The following HSPG2 variants were observed in gnomAD, a reference collection of about 807,000 sequenced individuals.
HSPG2 encodes the protein heparan sulfate proteoglycan 2.
A neutral mutation model predicts 526.6 loss-of-function variants in HSPG2; 278 were observed. The ratio of observed to expected loss-of-function variants is 0.53; its 90% CI spans 0.48 to 0.58. HSPG2 has a LOEUF of 0.58. HSPG2 is among the 20% of genes least tolerant of loss of function. The pLI is 0.00. For synonymous variants in HSPG2, 2,465 were observed against 2,555.4 expected (o/e 0.96, Z 1.07); for missense variants, 5,354 against 6,099.5 (o/e 0.88, Z 4.07).
chr1:21,854,871 C>T lies in HSPG2; in HGVS notation c.6110G>A (p.Arg2037Gln), dbSNP rs760003870. The T allele has an allele frequency of 3.9e-5, 63 of 1,614,086 alleles. No homozygotes were observed. Among genetic ancestry groups the T allele is most frequent in the Admixed American group, 6.7e-5 (4 of 59,998 alleles). The change falls in exon 48 of 97, where the codon CGG (arginine) becomes CAG (glutamine). Residue 2037 changes from arginine (R) to glutamine (Q), a missense_variant. By Grantham distance (43) the Arg-to-Gln change is conservative. Coordinates refer to ENST00000374695, the MANE Select transcript of HSPG2 (RefSeq NM_005529.7). ...ATSPAGTAQA[R>Q]IQVVVLSASD... ...ACCTGAAAGGACAACCACTTGGATCCGGGCCTGGGCAGTGCCTGCAGGGCT... is the reference window on the plus strand; with the variant it reads ...ACCTGAAAGGACAACCACTTGGATCTGGGCCTGGGCAGTGCCTGCAGGGCT...
rs1162835998 is a variant in HSPG2, at chr1:21,864,069, AC to A, written c.4740+30del. On this transcript the variant is annotated intron_variant, in intron 37 of 96. Transcript: ENST00000374695. The surrounding 1 kb of genome is among the most constrained non-coding windows in gnomAD (Gnocchi z 4.8). ...CCCCCACCCAGGCCCAGCTGAGCTG[AC>A]CCCCTGTCCTGGCCTCGCTTGCAGC... The A allele has an allele frequency of 6.6e-7, 1 of 1,506,348 alleles. No homozygotes were observed. Among genetic ancestry groups the A allele is most frequent in the Admixed American group, 2.0e-5 (1 of 50,918 alleles). 93.3% of individuals were successfully genotyped at this position (1,506,348 alleles called of 1,614,324 possible).
intron 91 of HSPG2, among the ~76,000 whole-genome samples, chr1:21,825,500 T>A (rs1572133095): frequency 6.6e-6 from 1 of 152,100 alleles, no homozygotes. Flanking sequence ...CTTGGGCGAG[T>A]GACTGGCCCA....
In HSPG2 at chr1:21,852,847, G is replaced by A. The variant is rs2152721348; in HGVS notation, c.6592-15C>T. The A allele has an allele frequency of 4.3e-6, 7 of 1,611,716 alleles. No individual in the cohort carries two copies. Among genetic ancestry groups the A allele is most frequent in the Non-Finnish European group, 5.9e-6 (7 of 1,179,568 alleles). ...GAGCCGTGGGTCTGTGTGCAAATGGGGTGGGTTGGGAGGGGGCTGGAACAG... is the reference window on the plus strand; with the variant it reads ...GAGCCGTGGGTCTGTGTGCAAATGGAGTGGGTTGGGAGGGGGCTGGAACAG... On this transcript the variant is annotated splice_polypyrimidine_tract_variant and intron_variant, in intron 51 of 96. Transcript: ENST00000374695.
chr1:21,854,546 A>G, intron 49 of HSPG2, 65 bp downstream of exon 49: 1 of 1,506,928 alleles, frequency 6.6e-7, no homozygotes, highest in African/African-American at 1.4e-5. Flanking sequence ...CCCAGCGTAC[A>G]GGCCCCGCCT....
At position 21,859,617 on chromosome 1, in the gene HSPG2, A is replaced by G. The variant is rs1639634148; in HGVS notation, c.5242T>C (p.Cys1748Arg). 3 of 1,609,096 alleles carry G rather than the reference A, an allele frequency of 1.9e-6. No individual in the cohort carries two copies. The highest frequency in any genetic ancestry group is 2.5e-6 in the Non-Finnish European group (3 of 1,178,030). The change falls in exon 42 of 97, where the codon TGC (cysteine) becomes CGC (arginine). Residue 1748 changes from cysteine to arginine, a missense_variant. Physicochemically the swap from Cys to Arg is radical, Grantham distance 180. Transcript: ENST00000374695. The surrounding 1 kb of genome is among the most constrained non-coding windows in gnomAD (Gnocchi z 5.3). The part of the protein sequence containing the change: ...PSDAGVYICT[C>R]RNLHQSNTSR... The stretch of plus-strand genomic sequence containing the variant: ...GTATTGGATTGGTGGAGATTACGGC[A>G]GGTGCAAATGTAGACCCCAGCATCC...
At chr1:21,874,280 A>G in intron 28 of HSPG2, 126 bp downstream of exon 28, 1 of 1,289,792 alleles carries the variant, frequency 7.8e-7, no homozygotes, top group Non-Finnish European at 1.1e-6. Flanking sequence ...ACACCAAGTG[A>G]CACTGAGCAG....
chr1:21,903,985 A>G (rs1256954102), intron 1 of HSPG2, among the ~76,000 whole-genome samples: 2 of 152,186 alleles, frequency 1.3e-5, no homozygotes, highest in Non-Finnish European at 2.9e-5. Flanking sequence ...AAAAAAGTAG[A>G]ATCGATCAGA....
rs768860953 is a variant in HSPG2 at position 21,824,806 on chromosome 1, T to C, written c.12590-27A>G. 12 of 1,592,116 alleles carry C rather than the reference T, an allele frequency of 7.5e-6. No homozygotes were observed. Among genetic ancestry groups the C allele is most frequent in the Non-Finnish European group, 1.0e-5 (12 of 1,165,664 alleles). ...TGTGGGAGAGAGGAGGGTGGTGCCA[T>C]ACCTGCTGCATCAGGCATCAAAATC... On this transcript the variant is annotated intron_variant, in intron 91 of 96. Transcript: ENST00000374695. This position sits in a 1 kb window ranked among gnomAD's most constrained non-coding sequence, Gnocchi z 5.9.
intron 80 of HSPG2, chr1:21,832,951 A>G: frequency 1.8e-6 from 1 of 554,552 alleles, no homozygotes; most frequent in Non-Finnish European, 3.2e-6. Flanking sequence ...GGAAAGGGTG[A>G]GATGGAGGCA....
Position 21,831,118 on chromosome 1 carries a change from C to T in HSPG2, c.11563-28G>A, listed in dbSNP as rs374610968. ...GCAAAGCAGCCCCCAGAAGTAAGGC[C>T]GAGAACATTCAGTACCCCCCATAAT... On this transcript the variant is annotated intron_variant, in intron 84 of 96. Transcript: ENST00000374695. 2.2e-5 allele frequency: 36 copies of T among 1,608,288 alleles called. No homozygotes were observed. In the African/African-American group the frequency reaches 3.3e-4, roughly 15 times the overall value.
chr1:21,831,132 AC>A (rs923040913), intron 84 of HSPG2, 42 bp from the exon 85 acceptor site: 5 of 1,604,072 alleles, frequency 3.1e-6, no homozygotes, highest in South Asian at 2.2e-5. Context: ...AACATTCAGT[AC>A]CCCCCATAAT....
chr1:21,847,743 G>A lies in HSPG2; in HGVS notation c.7971C>T (p.Pro2657=), dbSNP rs752038256. 4 of 1,612,794 alleles carry A rather than the reference G, an allele frequency of 2.5e-6. No individual in the cohort carries two copies. Among genetic ancestry groups the A allele is most frequent in the Non-Finnish European group, 1.7e-6 (2 of 1,179,630 alleles). ...GCTTGTACCATGTGATGATAGCCTGGGGCTGCCTGGCGACCACGCAGTTCA... is the reference window on the plus strand; with the variant it reads ...GCTTGTACCATGTGATGATAGCCTGAGGCTGCCTGGCGACCACGCAGTTCA... ...LDLNCVVARQ[P]QAIITWYKRG... Residue 2657 remains proline, a synonymous_variant, in exon 61 of 97, where the codon CCC becomes CCT. Coordinates refer to ENST00000374695, the MANE Select transcript of HSPG2 (RefSeq NM_005529.7). The surrounding 1 kb of genome is among the most constrained non-coding windows in gnomAD (Gnocchi z 4.1).
intron 21 of HSPG2, among the ~76,000 whole-genome samples, chr1:21,877,816 G>T (rs1484895155): frequency 6.6e-6 from 1 of 152,120 alleles, no homozygotes; most frequent in East Asian, 1.9e-4. Context: ...CATTCCTAAC[G>T]CAAGTGACCT....
chr1:21,863,060 C>CAAAAACAAAAAAAAAA (rs1423127350), intron 37 of HSPG2, among the ~76,000 whole-genome samples: 20 of 31,232 alleles, frequency 6.4e-4, no homozygotes, highest in African/African-American at 1.8e-3. Flanking sequence ...GACTCCATCT[C>CAAAAACAAAAAAAAAA]AAAAAAAAAA....
chr1:21,846,071 T>TC, intron 64 of HSPG2, 37 bp downstream of exon 64: 1 of 1,609,526 alleles, frequency 6.2e-7, no homozygotes, highest in Non-Finnish European at 8.5e-7. Flanking sequence ...CCTTCCTCCC[T>TC]CCCCCGGCCT....
rs186413852 is a variant in HSPG2, at chr1:21,844,868, C to T, written c.8465-569G>A. 9.0e-3 allele frequency among the ~76,000 whole-genome samples: 1,366 copies of T among 152,320 alleles called. 11 individuals are homozygous for T. Among genetic ancestry groups the T allele is most frequent in the Non-Finnish European group, 0.013 (861 of 68,036 alleles). The stretch of plus-strand genomic sequence containing the variant: ...ATGTTTACTGCTTAGCAATCTGTGT[C>T]CCCTTATCATGATTTCTGCATAGCA... On this transcript the variant is annotated intron_variant, in intron 64 of 96. Coordinates refer to ENST00000374695, the MANE Select transcript of HSPG2 (RefSeq NM_005529.7).
At chr1:21,878,925 C>A in intron 18 of HSPG2, 69 bp downstream of exon 18, 1 of 1,561,974 alleles carries the variant, frequency 6.4e-7, no homozygotes, top group Non-Finnish European at 8.7e-7. Context: ...TGCCTCCCTG[C>A]CCAGAATATT....
chr1:21,926,430 A>T (rs942595727), intron 1 of HSPG2, among the ~76,000 whole-genome samples: 1 of 152,060 alleles, frequency 6.6e-6, no homozygotes, highest in Non-Finnish European at 1.5e-5. Context: ...TAGCAAGGCA[A>T]AAGGCAGGAA....
At chr1:21,902,063 A>G (rs1643129841) in intron 1 of HSPG2, among the ~76,000 whole-genome samples, 1 of 152,164 alleles carries the variant, frequency 6.6e-6, no homozygotes, top group Non-Finnish European at 1.5e-5. Context: ...CCCCACCCCC[A>G]GGCCACCCAG....
Sources: allele counts gnomAD v4.1 joint callset (sites outside exome capture counted in the v4.1 genomes callset), GRCh38; gene constraint gnomAD v4.1.1; non-coding constraint Gnocchi (gnomAD v3.1); transcripts MANE v1.5; gene names NCBI Gene and HGNC (gene_info 2026-07-23, HGNC 2026-07-21).